The following KCTD2 variants were observed in gnomAD, a reference collection of about 807,000 sequenced individuals.
KCTD2 encodes BTB/POZ domain-containing protein KCTD2.
A neutral mutation model predicts 27.9 loss-of-function variants in KCTD2; 18 were observed. The ratio of observed to expected loss-of-function variants is 0.64; its 90% CI spans 0.45 to 0.96. The LOEUF is 0.96. KCTD2 is among the 40% of genes least tolerant of loss of function. The pLI, the probability that KCTD2 is intolerant of heterozygous loss-of-function variation, is 0.00. For synonymous variants in KCTD2, 175 were observed against 148.4 expected, an observed-to-expected ratio of 1.18 and a Z score of -1.30; for missense variants, 280 against 348.0, an observed-to-expected ratio of 0.80 and a Z score of 1.56.
chr17:75,046,562 G>A (rs1352656002), upstream of KCTD2, among the ~76,000 whole-genome samples: 1 of 152,208 alleles, frequency 6.6e-6, no homozygotes, highest in Non-Finnish European at 1.5e-5. Context: ...GCGCAGCCCC[G>A]CAGCCAGCTG....
chr17:75,061,599 G>A (rs1322873195), intron 4 of KCTD2, among the ~76,000 whole-genome samples: 2 of 152,178 alleles, frequency 1.3e-5, no homozygotes. Flanking sequence ...ACAGTGAGCT[G>A]TGATTGCACC....
rs1367027195 is a variant in KCTD2, at chr17:75,047,332, G to C, written c.82G>C (p.Val28Leu). The change falls in exon 1 of 6, where the codon GTC becomes CTC. Residue 28 changes from valine (V) to leucine (L), a missense_variant. Physicochemically the swap from Val to Leu is conservative, Grantham distance 32 (BLOSUM62 1). Transcript: ENST00000322444. ...GSGVGDGGGP[V>L]RGPPSPRPAG... ...TGGGGTGGGCGACGGGGGTGGCCCA[G>C]TCCGCGGGCCCCCCAGCCCACGCCC... 9.5e-6 allele frequency: 11 copies of C among 1,159,704 alleles called. No individual in the cohort carries two copies. The African/African-American group carries it at 1.8e-4, about 19-fold the overall frequency. The allele number at this position is 1,159,704 out of a possible 1,614,324, so 71.8% of individuals were successfully genotyped here. A position where few individuals can be genotyped will look rare whatever the true frequency, so the allele number is the denominator to read the frequency against.
In KCTD2 at chr17:75,062,197, A is replaced by G. The variant is rs1238979292; in HGVS notation, c.714A>G (p.Leu238=). ...AEFLCVVSRE[L]NNSTNGIVIE... is the part of the protein sequence containing the mutation. ...TCCTCTGTGTTGTCTCCAGAGAACT[A>G]AATAATTCTACCAATGGCATCGTCA... Residue 238 remains leucine (L), a synonymous_variant, in exon 5 of 6, where the codon CTA becomes CTG. Transcript: ENST00000322444. 5.0e-6 allele frequency: 8 copies of G among 1,613,908 alleles called. No homozygotes were observed. Among genetic ancestry groups the G allele is most frequent in the Non-Finnish European group, 6.8e-6 (8 of 1,179,954 alleles).
intron 3 of KCTD2, among the ~76,000 whole-genome samples, chr17:75,037,010 G>C (rs1017005006): frequency 6.6e-6 from 1 of 152,068 alleles, no homozygotes; most frequent in African/African-American, 2.4e-5. Flanking sequence ...CTGATTTCTC[G>C]AGGGTTGTCA....
At chr17:75,041,215 C>T in intron 3 of KCTD2, 1 of 151,854 alleles carries the variant, frequency 6.6e-6, no homozygotes, top group Non-Finnish European at 1.5e-5. Flanking sequence ...AAAAAATTAG[C>T]CAGGCATGGT....
intron 5 of KCTD2, 91 bp from the exon 6 acceptor site, chr17:75,062,927 A>G: frequency 1.5e-6 from 2 of 1,350,610 alleles, no homozygotes. Flanking sequence ...CAGGACCATC[A>G]TGCCACTCAT....
At chr17:75,046,458 A>G (rs2073217630), upstream of KCTD2, among the ~76,000 whole-genome samples, 1 of 152,192 alleles carries the variant, frequency 6.6e-6, no homozygotes, top group Non-Finnish European at 1.5e-5. Context: ...GGAGGTGCTC[A>G]ATGAATCTTT....
At chr17:75,039,396 CCT>C (rs2073135638) in intron 3 of KCTD2, 2 of 830,044 alleles carry the variant, frequency 2.4e-6, no homozygotes, top group South Asian at 3.1e-5. Context: ...CTGTGGTTAC[CCT>C]GAGTGGGGGC....
chr17:75,049,242 T>C lies in KCTD2; in HGVS notation c.362T>C (p.Ile121Thr). The change falls in exon 2 of 6, where the codon ATT becomes ACT. Residue 121 changes from isoleucine to threonine, a missense_variant. Transcript: ENST00000322444. ...SDKDETGAYLIDRDPTYFGPI... is the reference protein window; with the variant it reads ...SDKDETGAYLTDRDPTYFGPI... ...CAGGATGAGACAGGAGCCTATCTGA[T>C]TGACAGGGACCCCACCTACTTTGGT... The C allele has an allele frequency of 4.3e-6, 7 of 1,612,692 alleles. No homozygotes were observed. Among genetic ancestry groups the C allele is most frequent in the Non-Finnish European group, 5.9e-6 (7 of 1,178,722 alleles).
chr17:75,049,024 G>A (rs2073258767), intron 1 of KCTD2, 196 bp from the exon 2 acceptor site: 1 of 484,302 alleles, frequency 2.1e-6, no homozygotes, highest in Non-Finnish European at 3.7e-6. Flanking sequence ...TAATGTACAA[G>A]ATACATAAAG....
At chr17:75,053,499 G>T (rs2073313923) in intron 3 of KCTD2, among the ~76,000 whole-genome samples, 1 of 152,024 alleles carries the variant, frequency 6.6e-6, no homozygotes, top group South Asian at 2.1e-4. Flanking sequence ...GGAGTGCAGT[G>T]GTGCAATCTC....
intron 3 of KCTD2, 24 bp downstream of exon 3, chr17:75,053,129 G>A (rs113449956): frequency 0.024 from 38,166 of 1,582,288 alleles, 561 homozygotes; most frequent in Non-Finnish European, 0.029. Flanking sequence ...AACTGTTAAG[G>A]AGGGTTGTTT....
At chr17:75,048,591 T>G (rs1323383024) in intron 1 of KCTD2, among the ~76,000 whole-genome samples, 1 of 152,210 alleles carries the variant, frequency 6.6e-6, no homozygotes, top group African/African-American at 2.4e-5. Context: ...CTCCTTGTGG[T>G]AATAGAAGCC....
chr17:75,058,053 G>A (rs1306952084), intron 3 of KCTD2, among the ~76,000 whole-genome samples: 1 of 152,132 alleles, frequency 6.6e-6, no homozygotes, highest in Non-Finnish European at 1.5e-5. Context: ...GCTGGGCACA[G>A]TGGCTCATGC....
intron 3 of KCTD2, among the ~76,000 whole-genome samples, chr17:75,037,821 G>A (rs539301620): frequency 9.9e-5 from 15 of 152,174 alleles, no homozygotes; most frequent in South Asian, 2.1e-4. Flanking sequence ...AGGCTGAGGC[G>A]GGCGGATCAC....
At chr17:75,050,042 A>G (rs1043700257) in intron 2 of KCTD2, among the ~76,000 whole-genome samples, 2 of 151,982 alleles carry the variant, frequency 1.3e-5, no homozygotes, top group African/African-American at 4.8e-5. Flanking sequence ...CTGTGAAACA[A>G]CTCTGTTTCA....
At position 75,049,320 on chromosome 17, in the gene KCTD2, CAGA is replaced by C; in HGVS notation, c.446_448del (p.Glu149del). 6.3e-7 allele frequency: 1 copy of C among 1,599,050 alleles called. No homozygotes were observed. Reference sequence around the variant, plus strand: ...AAACTCATCATCACTAAGGAGTTGGCAGAAGAAGGTAAGCGCACTGTTTGCATT... The same window carrying C: ...AAACTCATCATCACTAAGGAGTTGGCAGAAGGTAAGCGCACTGTTTGCATT... On this transcript the variant is annotated inframe_deletion, in exon 2 of 6. Coordinates refer to ENST00000322444, the MANE Select transcript of KCTD2 (RefSeq NM_015353.3).
chr17:75,034,484 A>G (rs549874123), intron 2 of KCTD2, among the ~76,000 whole-genome samples: 1 of 152,166 alleles, frequency 6.6e-6, no homozygotes, highest in African/African-American at 2.4e-5. Context: ...CCAGTGCCTT[A>G]TCCATTAGGC....
chr17:75,063,136 G>A lies in KCTD2; in HGVS notation c.*89G>A. Reference sequence around the variant, plus strand: ...AACCTCACTCCTGTCCAGTGACCGAGCCACTGCAAAGCACAGCTGATCCTG... The same window carrying A: ...AACCTCACTCCTGTCCAGTGACCGAACCACTGCAAAGCACAGCTGATCCTG... On this transcript the variant is annotated 3_prime_UTR_variant, in exon 6 of 6. Transcript: ENST00000322444. The A allele has an allele frequency of 7.9e-7, 1 of 1,270,980 alleles. No homozygotes were observed. The highest frequency in any genetic ancestry group is 1.1e-6 in the Non-Finnish European group (1 of 876,336). 78.7% of individuals were successfully genotyped at this position (1,270,980 alleles called of 1,614,324 possible). A position where few individuals can be genotyped will look rare whatever the true frequency, so the allele number is the denominator to read the frequency against.
Sources: gnomAD v4.1 joint callset for allele counts (sites outside exome capture counted in the v4.1 genomes callset) on GRCh38, gnomAD v4.1.1 for gene constraint, MANE v1.5 for transcripts, NCBI Gene and HGNC (gene_info 2026-07-23, HGNC 2026-07-21) for gene names.